The following GSG1L variants were observed in gnomAD, a reference collection of about 807,000 sequenced individuals.
GSG1L encodes the protein GSG1 like, also known as germ cell-specific gene 1-like protein.
A neutral mutation model predicts 42.1 loss-of-function variants in GSG1L; 24 were observed. The ratio of observed to expected loss-of-function variants is 0.57; its 90% CI spans 0.41 to 0.80. GSG1L has a LOEUF of 0.80. Among genes scored for constraint, GSG1L ranks in the 30% least tolerant of loss-of-function variants. GSG1L has a pLI of 0.00. For missense variants in GSG1L, 445 were observed against 472.2 expected, an observed-to-expected ratio of 0.94 and a Z score of 0.53; for synonymous variants, 215 against 203.5, an observed-to-expected ratio of 1.06 and a Z score of -0.48.
At chr16:28,029,284 C>T (rs545961056) in intron 1 of GSG1L, among the ~76,000 whole-genome samples, 1 of 152,216 alleles carries the variant, frequency 6.6e-6, no homozygotes, top group South Asian at 2.1e-4. Flanking sequence ...AGTAGAAGTG[C>T]GTTATTTATA....
At chr16:27,812,838 G>A (rs2083048018) in intron 5 of GSG1L, among the ~76,000 whole-genome samples, 1 of 151,790 alleles carries the variant, frequency 6.6e-6, no homozygotes, top group Non-Finnish European at 1.5e-5. Flanking sequence ...ACCCAGGCTG[G>A]AGTGAAGTGG....
rs1189334149 is a variant in GSG1L at position 27,831,757 on chromosome 16, G to A, written c.663-2801C>T. On this transcript the variant is annotated intron_variant, in intron 4 of 6. Transcript: ENST00000447459. ...TGCTAGAAGAAAAGCCTACATCCCC[G>A]CCTTTCCATGTACTTTACATGCAAG... Among the ~76,000 whole-genome samples the A allele has an allele frequency of 6.6e-5, 10 of 152,140 alleles. No individual in the cohort carries two copies. In the South Asian group the frequency reaches 1.0e-3, roughly 16 times the overall value.
chr16:27,915,669 G>A (rs1429236732), intron 2 of GSG1L, among the ~76,000 whole-genome samples: 1 of 152,200 alleles, frequency 6.6e-6, no homozygotes, highest in Non-Finnish European at 1.5e-5. Flanking sequence ...AATAGGATTG[G>A]GGAAACTGAG....
At chr16:27,946,606 AGAGAGAGAGAG>A (rs1567529856) in intron 2 of GSG1L, among the ~76,000 whole-genome samples, 23 of 5,502 alleles carry the variant, frequency 4.2e-3, no homozygotes, top group African/African-American at 0.019. Context: ...AGAGAGAGAG[AGAGAGAGAGAG>A]AGAGAGAGAG....
At chr16:27,800,661 C>A (rs900584623) in intron 6 of GSG1L, among the ~76,000 whole-genome samples, 3 of 152,152 alleles carry the variant, frequency 2.0e-5, no homozygotes, top group African/African-American at 7.2e-5. Flanking sequence ...CACAGTAGCC[C>A]CCCAGAATAA....
At chr16:27,935,881 T>C (rs2084710429) in intron 2 of GSG1L, among the ~76,000 whole-genome samples, 1 of 146,310 alleles carries the variant, frequency 6.8e-6, no homozygotes. Flanking sequence ...TTTTCCTACC[T>C]TCACTGCTCA....
At chr16:27,847,273 C>T (rs1390313765) in intron 3 of GSG1L, among the ~76,000 whole-genome samples, 1 of 152,128 alleles carries the variant, frequency 6.6e-6, no homozygotes, top group Non-Finnish European at 1.5e-5. Flanking sequence ...AATTCCCAAC[C>T]GGTGTGGTCA....
intron 1 of GSG1L, among the ~76,000 whole-genome samples, chr16:28,042,281 C>T (rs930336626): frequency 6.6e-6 from 1 of 151,900 alleles, no homozygotes; most frequent in African/African-American, 2.4e-5. Context: ...ACTAAAAGTA[C>T]AAAAATTAGT....
chr16:28,055,661 G>A (rs1399313072), intron 1 of GSG1L, among the ~76,000 whole-genome samples: 1 of 151,538 alleles, frequency 6.6e-6, no homozygotes, highest in Non-Finnish European at 1.5e-5. Flanking sequence ...GTAGAGATGG[G>A]ATTTCGCCAT....
chr16:27,804,810 G>T, intron 6 of GSG1L, among the ~76,000 whole-genome samples: 1 of 4,934 alleles, frequency 2.0e-4, no homozygotes, highest in South Asian at 0.021. Flanking sequence ...TGGAGGCTGA[G>T]ATTGGGGGCG....
chr16:27,810,980 G>A (rs577348174), intron 5 of GSG1L, among the ~76,000 whole-genome samples: 4 of 151,718 alleles, frequency 2.6e-5, no homozygotes, highest in African/African-American at 2.4e-5. Context: ...GAACCACCAC[G>A]CCCGGCCCAA....
rs142590606 is a variant in GSG1L, at chr16:27,884,274, T to C, written c.550+212A>G. ...TCTGGGACTGCCTGCTTTTGCTCAT[T>C]ACTATAGCCTTAGTACCTGGTCTGG... On this transcript the variant is annotated intron_variant, in intron 3 of 6. Transcript: ENST00000447459. This position sits in a 1 kb window ranked among gnomAD's most constrained non-coding sequence, Gnocchi z 4.4. 6.6e-6 allele frequency among the ~76,000 whole-genome samples: 1 copy of C among 152,368 alleles called. No individual in the cohort carries two copies. The highest frequency in any genetic ancestry group is 1.5e-5 in the Non-Finnish European group (1 of 68,032).
intron 3 of GSG1L, among the ~76,000 whole-genome samples, chr16:27,858,979 C>A (rs1035829355): frequency 1.3e-5 from 2 of 151,998 alleles, no homozygotes; most frequent in African/African-American, 2.4e-5. Flanking sequence ...GGAGAGAGCC[C>A]CAGATGGAGA....
chr16:28,041,843 G>A lies in GSG1L; in HGVS notation c.349+21233C>T, dbSNP rs529004508. On this transcript the variant is annotated intron_variant, in intron 1 of 6. Transcript: ENST00000447459. The stretch of plus-strand genomic sequence containing the variant: ...CAAAGCACATTCACTTACCCTCTCA[G>A]CCTCGTGCCCTCGCTGGGCATCGCA... 1.3e-4 allele frequency among the ~76,000 whole-genome samples: 20 copies of A among 152,316 alleles called. No homozygotes were observed. The South Asian group carries it at 3.9e-3, about 30-fold the overall frequency.
intron 1 of GSG1L, among the ~76,000 whole-genome samples, chr16:28,021,180 G>A (rs1293989929): frequency 7.2e-5 from 11 of 152,134 alleles, no homozygotes. Flanking sequence ...GCATGAGGGG[G>A]CATCTGCTTG....
intron 2 of GSG1L, among the ~76,000 whole-genome samples, chr16:27,919,013 C>T (rs1361838618): frequency 6.6e-6 from 1 of 152,154 alleles, no homozygotes; most frequent in African/African-American, 2.4e-5. Flanking sequence ...GCTGTCCAGG[C>T]AGGCACTACC....
intron 1 of GSG1L, among the ~76,000 whole-genome samples, chr16:28,021,394 G>T (rs1026959678): frequency 6.6e-6 from 1 of 152,148 alleles, no homozygotes; most frequent in Admixed American, 6.5e-5. Context: ...CCAATCCAGA[G>T]CAGCTGACCA....
At chr16:27,871,059 C>A (rs1227220536) in intron 3 of GSG1L, among the ~76,000 whole-genome samples, 1 of 152,144 alleles carries the variant, frequency 6.6e-6, no homozygotes, top group Non-Finnish European at 1.5e-5. Context: ...CCAGCCATGA[C>A]CTGACCTCAC....
chr16:27,932,134 C>A (rs1239113622), intron 2 of GSG1L, among the ~76,000 whole-genome samples: 9 of 152,138 alleles, frequency 5.9e-5, no homozygotes, highest in Admixed American at 5.9e-4. Context: ...CTCACTGCAG[C>A]CTCTGTCTCC....
Sources: allele counts gnomAD v4.1 joint callset (sites outside exome capture counted in the v4.1 genomes callset), GRCh38; gene constraint gnomAD v4.1.1; non-coding constraint Gnocchi (gnomAD v3.1); transcripts MANE v1.5; gene names NCBI Gene and HGNC (gene_info 2026-07-23, HGNC 2026-07-21).